DENND5A: variants seen among roughly 807,000 people sequenced by gnomAD.
DENND5A encodes DENN domain containing 5A.
DENND5A carries 64 observed loss-of-function variants against 140.3 expected under a neutral mutation model. The ratio of observed to expected loss-of-function variants is 0.46; its 90% CI spans 0.37 to 0.56. DENND5A has a LOEUF of 0.56. Among genes scored for constraint, DENND5A ranks in the 20% least tolerant of loss-of-function variants. The probability of loss-of-function intolerance (pLI) is 0.00; values close to 1 mark genes in which losing one functional copy is unlikely to be tolerated. For synonymous variants in DENND5A, 605 were observed against 607.7 expected (o/e 1.00, Z 0.07); for missense variants, 1,292 against 1,593.8 (o/e 0.81, Z 3.22).
chr11:9,208,041 T>C (rs1214117061), intron 1 of DENND5A, among the ~76,000 whole-genome samples: 1 of 152,194 alleles, frequency 6.6e-6, no homozygotes. Flanking sequence ...ACAAATTAAA[T>C]GCATATAAAC....
chr11:9,191,228 G>A (rs531775659), intron 5 of DENND5A, among the ~76,000 whole-genome samples: 53 of 149,924 alleles, frequency 3.5e-4, no homozygotes, highest in African/African-American at 1.3e-3. Flanking sequence ...TTTTTTTTTT[G>A]AGGTGGAGTC....
At chr11:9,168,261 C>G (rs920976720) in intron 10 of DENND5A, among the ~76,000 whole-genome samples, 3 of 152,016 alleles carry the variant, frequency 2.0e-5, no homozygotes, top group African/African-American at 7.3e-5. Context: ...CTTTCCTGAG[C>G]TGTTCTCGTG....
chr11:9,146,528 C>T (rs1003942892), intron 16 of DENND5A, among the ~76,000 whole-genome samples: 2 of 152,216 alleles, frequency 1.3e-5, no homozygotes, highest in African/African-American at 2.4e-5. Context: ...AGACTCTGCT[C>T]ACAGACACAT....
intron 5 of DENND5A, 114 bp from the exon 6 acceptor site, chr11:9,181,198 T>C (rs1848719489): frequency 1.2e-6 from 1 of 843,340 alleles, no homozygotes; most frequent in East Asian, 2.7e-5. Flanking sequence ...ATGGCTATAT[T>C]TGAGATATGG....
chr11:9,253,811 A>C (rs988518961), intron 1 of DENND5A, among the ~76,000 whole-genome samples: 2 of 151,756 alleles, frequency 1.3e-5, no homozygotes, highest in Non-Finnish European at 2.9e-5. Flanking sequence ...GGTTGTAGTA[A>C]ACCATGATCA....
chr11:9,196,426 A>T (rs1432953396), intron 4 of DENND5A, among the ~76,000 whole-genome samples: 1 of 152,150 alleles, frequency 6.6e-6, no homozygotes, highest in African/African-American at 2.4e-5. Context: ...TCTTTTTGAA[A>T]AGTATATATA....
At chr11:9,239,552 G>A (rs1316531379) in intron 1 of DENND5A, among the ~76,000 whole-genome samples, 4 of 146,154 alleles carry the variant, frequency 2.7e-5, no homozygotes, top group East Asian at 4.0e-4. Flanking sequence ...GGCTGGTCTC[G>A]AAATCCTGGG....
chr11:9,189,871 C>A (rs572553953), intron 5 of DENND5A, among the ~76,000 whole-genome samples: 1 of 152,272 alleles, frequency 6.6e-6, no homozygotes, highest in African/African-American at 2.4e-5. Context: ...AACTCCCGAC[C>A]TCAGGTGATC....
chr11:9,225,143 TA>T (rs1282584182), intron 1 of DENND5A, among the ~76,000 whole-genome samples: 2 of 152,204 alleles, frequency 1.3e-5, no homozygotes, highest in Non-Finnish European at 2.9e-5. Context: ...GAATTGCAAC[TA>T]AAAATCACAA....
intron 1 of DENND5A, among the ~76,000 whole-genome samples, chr11:9,213,454 C>G (rs1252994018): frequency 6.6e-6 from 1 of 150,464 alleles, no homozygotes; most frequent in Non-Finnish European, 1.5e-5. Context: ...TTTAATGGTT[C>G]TAACAACCTC....
intron 1 of DENND5A, among the ~76,000 whole-genome samples, chr11:9,215,843 CCTGGCCG>C (rs1158175490): frequency 6.6e-6 from 1 of 152,172 alleles, no homozygotes; most frequent in African/African-American, 2.4e-5. Flanking sequence ...AGCCACCGCG[CCTGGCCG>C]TTCTTTTATA....
chr11:9,182,765 C>T (rs1848774445), intron 5 of DENND5A, among the ~76,000 whole-genome samples: 1 of 151,972 alleles, frequency 6.6e-6, no homozygotes, highest in Admixed American at 6.6e-5. Flanking sequence ...GGAAGGGTGG[C>T]AAGGAGGAGG....
intron 1 of DENND5A, among the ~76,000 whole-genome samples, chr11:9,221,245 A>G (rs1850300823): frequency 1.3e-5 from 2 of 151,374 alleles, no homozygotes; most frequent in African/African-American, 4.9e-5. Flanking sequence ...AGCCTGGCCA[A>G]CATGGTGAAA....
chr11:9,159,335 T>G (rs1017640033), intron 12 of DENND5A, among the ~76,000 whole-genome samples: 4 of 151,674 alleles, frequency 2.6e-5, no homozygotes, highest in African/African-American at 9.7e-5. Context: ...TTTTTTTTTT[T>G]TTGAGACAGA....
intron 1 of DENND5A, among the ~76,000 whole-genome samples, chr11:9,223,041 A>C (rs1850376351): frequency 6.6e-6 from 1 of 152,232 alleles, no homozygotes; most frequent in Non-Finnish European, 1.5e-5. Context: ...AAGTAGAAAG[A>C]GTTCTTGATT....
chr11:9,244,977 C>T (rs1347091415), intron 1 of DENND5A, among the ~76,000 whole-genome samples: 3 of 151,392 alleles, frequency 2.0e-5, no homozygotes, highest in Non-Finnish European at 4.4e-5. Context: ...GTGCTTGGCT[C>T]CAAGGCCCTT....
Position 9,139,775 on chromosome 11 carries a change from T to A in DENND5A, c.3760A>T (p.Ile1254Phe). 2 of 1,614,096 alleles carry A rather than the reference T, an allele frequency of 1.2e-6. No homozygotes were observed. The highest frequency in any genetic ancestry group is 2.2e-5 in the South Asian group (2 of 91,074). ...TAHMYEDVALIKDHTLVNSLI... is the reference protein window; with the variant it reads ...TAHMYEDVALFKDHTLVNSLI... ...GAATTGACAAGTGTATGGTCTTTGATCAGTGCCACATCCTCATACATGTGT... is the reference window on the plus strand; with the variant it reads ...GAATTGACAAGTGTATGGTCTTTGAACAGTGCCACATCCTCATACATGTGT... The change falls in exon 23 of 23, where the codon ATC (isoleucine) becomes TTC (phenylalanine). Residue 1254 changes from isoleucine to phenylalanine, a missense_variant. Ile to Phe is a conservative substitution (Grantham distance 21). Around this residue, in one of 4 missense-constraint regions of DENND5A, gnomAD observed 498 missense variants for 689.7 expected, o/e 0.72. Transcript: ENST00000328194.
At chr11:9,205,064 A>G (rs1486449866) in intron 3 of DENND5A, among the ~76,000 whole-genome samples, 1 of 152,240 alleles carries the variant, frequency 6.6e-6, no homozygotes, top group Non-Finnish European at 1.5e-5. Context: ...AACCAGATAC[A>G]TGCAACTTTA....
chr11:9,218,907 G>A (rs1850203329), intron 1 of DENND5A, among the ~76,000 whole-genome samples: 1 of 152,156 alleles, frequency 6.6e-6, no homozygotes, highest in Non-Finnish European at 1.5e-5. Flanking sequence ...TTGGGAGGCT[G>A]AGGCAGGAGA....
Sources: gnomAD v4.1 joint callset for allele counts (sites outside exome capture counted in the v4.1 genomes callset) on GRCh38, gnomAD v4.1.1 for gene constraint, gnomAD v4.1.1 regional missense constraint, MANE v1.5 for transcripts, NCBI Gene and HGNC (gene_info 2026-07-23, HGNC 2026-07-21) for gene names.